Variants in SYNE2 observed in about 807,000 individuals in gnomAD.
SYNE2 encodes the protein nesprin-2.
In SYNE2, 431 loss-of-function variants were observed where a neutral mutation model predicts 856.3. The observed-to-expected ratio is 0.50, with a 90% CI of 0.47 to 0.55. The LOEUF (loss-of-function observed/expected upper bound fraction) is 0.55, where lower values mean the gene tolerates loss of function less well. SYNE2 is among the 20% of genes least tolerant of loss of function. SYNE2 has a pLI of 0.00. For synonymous variants in SYNE2, 2,923 were observed against 2,872.3 expected, an observed-to-expected ratio of 1.02 and a Z score of -0.56; for missense variants, 8,129 against 8,023.2, an observed-to-expected ratio of 1.01 and a Z score of -0.50.
At position 63,853,140 on chromosome 14, in the gene SYNE2, G is replaced by T. The variant is rs1890766438; in HGVS notation, c.-55G>T. 6.6e-6 allele frequency: 1 copy of T among 151,490 alleles called. No individual in the cohort carries two copies. Among genetic ancestry groups the T allele is most frequent in the Admixed American group, 6.6e-5 (1 of 15,210 alleles). 9.4% of individuals were successfully genotyped at this position (151,490 alleles called of 1,614,324 possible). A position where few individuals can be genotyped will look rare whatever the true frequency, so the allele number is the denominator to read the frequency against. ...CGCGCCCTTGCCCCTCGGCCGGGCG[G>T]ACGGTGGGTGAGCGCGGCCGCGGGG... On this transcript the variant is annotated 5_prime_UTR_variant, in exon 1 of 116. Transcript: ENST00000555002.
intron 1 of SYNE2, among the ~76,000 whole-genome samples, chr14:63,767,839 C>T (rs1886743216): frequency 6.6e-6 from 1 of 152,078 alleles, no homozygotes; most frequent in Non-Finnish European, 1.5e-5. Flanking sequence ...TCAGAAATTG[C>T]AATGAATATC....
In SYNE2 at chr14:63,924,832, GTGTTT is replaced by G. The variant is rs1227511196; in HGVS notation, c.79+15607_79+15611del. ...TTTAACTTTTTTCCTTCCAGCCTTGGTGTTTTTTTTTTTTTTTTTTTTTTTTTTTT... is the reference window on the plus strand; with the variant it reads ...TTTAACTTTTTTCCTTCCAGCCTTGGTTTTTTTTTTTTTTTTTTTTTTTTT... On this transcript the variant is annotated intron_variant, in intron 2 of 115. Transcript: ENST00000555002. Among the ~76,000 whole-genome samples, 113 of 92,852 alleles carry G rather than the reference GTGTTT, an allele frequency of 1.2e-3. 13 individuals are homozygous for G. Among genetic ancestry groups the G allele is most frequent in the African/African-American group, 3.9e-3 (86 of 22,192 alleles). The allele number at this position is 92,852 out of a possible 152,430, so 60.9% of individuals were successfully genotyped here.
chr14:64,205,397 C>G (rs1011579554), intron 100 of SYNE2, among the ~76,000 whole-genome samples: 2 of 152,174 alleles, frequency 1.3e-5, no homozygotes, highest in Non-Finnish European at 2.9e-5. Flanking sequence ...GTATGGGCCA[C>G]TTTTTAAAAC....
At chr14:63,808,860 TAAAAATAC>T (rs1478154234) in intron 1 of SYNE2, 5 of 152,032 alleles carry the variant, frequency 3.3e-5, no homozygotes, top group Non-Finnish European at 7.3e-5. Flanking sequence ...CCATCTCTGC[TAAAAATAC>T]AAAAATTAGC....
intron 1 of SYNE2, among the ~76,000 whole-genome samples, chr14:63,900,832 C>G (rs903007838): frequency 6.6e-6 from 1 of 152,148 alleles, no homozygotes; most frequent in Non-Finnish European, 1.5e-5. Flanking sequence ...AGTGTTTCAC[C>G]AACTTTCTGC....
At chr14:63,994,622 G>T (rs1421340119) in intron 22 of SYNE2, among the ~76,000 whole-genome samples, 4 of 152,138 alleles carry the variant, frequency 2.6e-5, no homozygotes, top group Non-Finnish European at 5.9e-5. Flanking sequence ...AGTTTACCCT[G>T]ACAGAGTGAT....
At chr14:63,810,508 A>G (rs1178065754) in intron 1 of SYNE2, among the ~76,000 whole-genome samples, 3 of 152,154 alleles carry the variant, frequency 2.0e-5, no homozygotes, top group Non-Finnish European at 4.4e-5. Flanking sequence ...ACTTTTGAAA[A>G]CTTGGGATCA....
At chr14:64,155,784 C>T (rs770123154) in intron 85 of SYNE2, among the ~76,000 whole-genome samples, 89 of 152,188 alleles carry the variant, frequency 5.8e-4, no homozygotes, top group Non-Finnish European at 9.4e-4. Context: ...TAAAGTTAGC[C>T]GGATGTGGTG....
At chr14:64,180,693 G>A (rs548806236) in intron 96 of SYNE2, among the ~76,000 whole-genome samples, 142 of 152,052 alleles carry the variant, frequency 9.3e-4, no homozygotes, top group Admixed American at 3.7e-3. Context: ...TAGTAGAGAC[G>A]GGGTTTCACC....
At chr14:63,833,499 C>A (rs1210356550) in intron 1 of SYNE2, among the ~76,000 whole-genome samples, 2 of 152,146 alleles carry the variant, frequency 1.3e-5, no homozygotes, top group Admixed American at 1.3e-4. Context: ...AACAAGCAGA[C>A]CGCTGATTAA....
At chr14:64,218,165 A>G in intron 108 of SYNE2, 1 of 490,318 alleles carries the variant, frequency 2.0e-6, no homozygotes, top group Admixed American at 3.2e-5. Flanking sequence ...CATCACTGAC[A>G]TCTCATCTGC....
intron 66 of SYNE2, among the ~76,000 whole-genome samples, chr14:64,116,299 TA>T (rs926397146): frequency 3.5e-4 from 54 of 152,190 alleles, no homozygotes; most frequent in South Asian, 2.1e-4. Context: ...CACATTACAT[TA>T]AAAAAATATC....
At chr14:64,128,313 A>T (rs1458530852) in intron 73 of SYNE2, 139 bp from the exon 74 acceptor site, 3 of 633,870 alleles carry the variant, frequency 4.7e-6, no homozygotes, top group East Asian at 2.8e-5. Context: ...AAGTTTAATG[A>T]TGATAAAATG....
In SYNE2 at chr14:64,016,529, C is replaced by A. The variant is rs199704293; in HGVS notation, c.4785C>A (p.Asn1595Lys). 3.0e-4 allele frequency: 476 copies of A among 1,603,072 alleles called. 3 individuals are homozygous for A. In the East Asian group the frequency reaches 0.01, roughly 35 times the overall value. The change falls in exon 33 of 116, where the codon AAC becomes AAA. Residue 1595 changes from asparagine to lysine, a missense_variant. Physicochemically the swap from Asn to Lys is moderately conservative, Grantham distance 94 (BLOSUM62 0). Around this residue, in one of 3 missense-constraint regions of SYNE2, gnomAD observed 2,422 missense variants for 2,357.4 expected, o/e 1.03. Transcript: ENST00000555002. ...ATTTAGAAGTTGTAGACAAGATAAA[C>A]CAGGTCTGCAAAAATCTACAATTTT... ...NEHLEVVDKI[N>K]QVCKNLQFYL...
At chr14:64,065,784 A>G (rs947130164) in intron 51 of SYNE2, 134 bp downstream of exon 51, 133 of 959,736 alleles carry the variant, frequency 1.4e-4, no homozygotes, top group Middle Eastern at 2.8e-4. Context: ...TACATGATAC[A>G]TAAATGTTTA....
chr14:63,871,112 G>A (rs12884259), intron 1 of SYNE2, among the ~76,000 whole-genome samples: 8,630 of 152,122 alleles, frequency 0.057, 269 homozygotes, highest in Middle Eastern at 0.099. Flanking sequence ...TTATCAATGC[G>A]GTTGCACAGA....
chr14:64,058,670 A>G (rs2097292480), intron 49 of SYNE2, among the ~76,000 whole-genome samples: 1 of 152,048 alleles, frequency 6.6e-6, no homozygotes, highest in Admixed American at 6.6e-5. Context: ...TAGTAGAGAC[A>G]GGGTTTCCCC....
intron 2 of SYNE2, among the ~76,000 whole-genome samples, chr14:63,936,952 G>A (rs2095841144): frequency 6.6e-6 from 1 of 152,132 alleles, no homozygotes; most frequent in Admixed American, 6.6e-5. Context: ...CATTAGATAT[G>A]AAACGTGAGA....
intron 99 of SYNE2, among the ~76,000 whole-genome samples, chr14:64,194,096 CACTCTTA>C (rs1344849510): frequency 6.6e-6 from 1 of 152,190 alleles, no homozygotes; most frequent in African/African-American, 2.4e-5. Flanking sequence ...GTGACATCTA[CACTCTTA>C]TGAAACATGC....
Sources: allele counts gnomAD v4.1 joint callset (sites outside exome capture counted in the v4.1 genomes callset), GRCh38; gene constraint gnomAD v4.1.1; regional missense constraint gnomAD v4.1.1; transcripts MANE v1.5; gene names NCBI Gene and HGNC (gene_info 2026-07-23, HGNC 2026-07-21).